Variants in FHIT observed in about 807,000 individuals in gnomAD.
The protein encoded by FHIT is fragile histidine triad diadenosine triphosphatase.
Under a neutral mutation model 17.9 loss-of-function variants are expected in FHIT, and 19 were observed. The ratio of observed to expected loss-of-function variants is 1.06; its 90% confidence interval spans 0.74 to 1.56. The LOEUF (loss-of-function observed/expected upper bound fraction) is 1.56. Among genes scored for constraint, FHIT ranks in the 40% most tolerant of loss-of-function variants. The probability of loss-of-function intolerance (pLI) is 0.00; values close to 1 mark genes in which losing one functional copy is unlikely to be tolerated. For missense variants in FHIT, 248 were observed against 189.2 expected (o/e 1.31, Z -1.82); for synonymous variants, 81 against 69.7 (o/e 1.16, Z -0.81).
rs3772442 is a variant in FHIT, at chr3:59,750,381, C to A, written c.*6-802G>T. 44 of 224,542 alleles carry A rather than the reference C, an allele frequency of 2.0e-4. No homozygotes were observed. In the East Asian group the frequency reaches 2.8e-3, roughly 14 times the overall value. The allele number at this position is 224,542 out of a possible 1,614,324, so 13.9% of individuals were successfully genotyped here. A position where few individuals can be genotyped will look rare whatever the true frequency, so the allele number is the denominator to read the frequency against. Reference sequence around the variant, plus strand: ...CAGTCAAGTCTGAGGTATTGTCACCCCATTTAAATTTGAACAGGGCACTCT... The same window carrying A: ...CAGTCAAGTCTGAGGTATTGTCACCACATTTAAATTTGAACAGGGCACTCT... On this transcript the variant is annotated intron_variant, in intron 9 of 9. Transcript: ENST00000492590.
intron 8 of FHIT, among the ~76,000 whole-genome samples, chr3:59,883,711 G>T (rs562712686): frequency 1.3e-5 from 2 of 152,334 alleles, no homozygotes; most frequent in South Asian, 4.1e-4. Context: ...CCAAGTCTGT[G>T]CAGTGACATC....
intron 5 of FHIT, among the ~76,000 whole-genome samples, chr3:60,128,078 G>C (rs781335092): frequency 2.0e-5 from 3 of 152,206 alleles, no homozygotes; most frequent in African/African-American, 2.4e-5. Context: ...TTGAAGATCA[G>C]TGTTGAAACA....
chr3:60,565,768 C>T lies in FHIT; in HGVS notation c.-17-28789G>A, dbSNP rs570360460. On this transcript the variant is annotated intron_variant, in intron 4 of 9. Coordinates refer to ENST00000492590, the MANE Select transcript of FHIT (RefSeq NM_002012.4). ...TTTGTGTCTCTATTTCCTTCAGTTCCGCTCTGATCTTAGTTATTTCTTGCC... is the reference window on the plus strand; with the variant it reads ...TTTGTGTCTCTATTTCCTTCAGTTCTGCTCTGATCTTAGTTATTTCTTGCC... Among the ~76,000 whole-genome samples the T allele has an allele frequency of 2.2e-4, 33 of 152,122 alleles. No individual in the cohort carries two copies. In the South Asian group the frequency reaches 2.9e-3, roughly 13 times the overall value.
intron 3 of FHIT, among the ~76,000 whole-genome samples, chr3:60,853,795 A>C (rs1264129819): frequency 2.0e-5 from 3 of 152,138 alleles, no homozygotes; most frequent in African/African-American, 7.2e-5. Context: ...TTGCAGTGTA[A>C]TCACCAACAA....
Position 60,562,687 on chromosome 3 carries a change from C to T in FHIT, c.-17-25708G>A, listed in dbSNP as rs372568417. On this transcript the variant is annotated intron_variant, in intron 4 of 9. Coordinates refer to ENST00000492590, the MANE Select transcript of FHIT (RefSeq NM_002012.4). The stretch of plus-strand genomic sequence containing the variant: ...TTAGGAATGCAAATTCTCAGCTCCA[C>T]TCCAGATGTAATTGATCAAAATCTG... Among the ~76,000 whole-genome samples, 27 of 152,290 alleles carry T rather than the reference C, an allele frequency of 1.8e-4. No homozygotes were observed. In the East Asian group the frequency reaches 3.3e-3, roughly 18 times the overall value.
chr3:60,359,290 T>A (rs1481783872), intron 5 of FHIT, among the ~76,000 whole-genome samples: 1 of 146,980 alleles, frequency 6.8e-6, no homozygotes, highest in East Asian at 2.0e-4. Context: ...TTTTTTTTTT[T>A]TTTTTTTTTG....
intron 4 of FHIT, among the ~76,000 whole-genome samples, chr3:60,639,257 G>T (rs1553684752): frequency 6.6e-6 from 1 of 152,030 alleles, no homozygotes; most frequent in African/African-American, 2.4e-5. Flanking sequence ...AGAAGCAGCA[G>T]CTAGGACTTG....
At chr3:60,458,127 T>C (rs1236256811) in intron 5 of FHIT, among the ~76,000 whole-genome samples, 3 of 152,132 alleles carry the variant, frequency 2.0e-5, no homozygotes, top group Non-Finnish European at 4.4e-5. Flanking sequence ...TAAAGACACA[T>C]GCACACGTAT....
chr3:61,232,329 G>A, intron 1 of FHIT, among the ~76,000 whole-genome samples: 1 of 152,350 alleles, frequency 6.6e-6, no homozygotes, highest in East Asian at 1.9e-4. Flanking sequence ...GGAGGTTGCA[G>A]TGAGCTGAGA....
intron 7 of FHIT, among the ~76,000 whole-genome samples, chr3:59,923,778 G>T (rs1000889809): frequency 6.6e-6 from 1 of 152,136 alleles, no homozygotes; most frequent in Non-Finnish European, 1.5e-5. Context: ...TCAAGAGAAC[G>T]TAAGATTTAA....
Position 60,564,579 on chromosome 3 carries a change from T to C in FHIT, c.-17-27600A>G, listed in dbSNP as rs554149845. ...AATGCATGGGAGGTCAACATGAACA[T>C]AGTTTAGAAGAAGTTGATTCCAGCC... On this transcript the variant is annotated intron_variant, in intron 4 of 9. Transcript: ENST00000492590. Among the ~76,000 whole-genome samples, 4 of 152,162 alleles carry C rather than the reference T, an allele frequency of 2.6e-5. No homozygotes were observed. The South Asian group carries it at 6.2e-4, about 24-fold the overall frequency.
intron 8 of FHIT, among the ~76,000 whole-genome samples, chr3:59,823,677 C>T (rs1208369784): frequency 1.3e-5 from 2 of 152,074 alleles, no homozygotes; most frequent in Non-Finnish European, 2.9e-5. Flanking sequence ...TCAGCAAAAT[C>T]GGCATATAAG....
chr3:60,225,014 C>T (rs1485447819), intron 5 of FHIT, among the ~76,000 whole-genome samples: 1 of 152,138 alleles, frequency 6.6e-6, no homozygotes, highest in Non-Finnish European at 1.5e-5. Flanking sequence ...AGCCACCACG[C>T]CCAGCCAGGA....
intron 1 of FHIT, among the ~76,000 whole-genome samples, chr3:61,223,347 A>T (rs1190219130): frequency 6.6e-6 from 1 of 152,186 alleles, no homozygotes; most frequent in Non-Finnish European, 1.5e-5. Context: ...TGTCAGAATA[A>T]CAGAAAGACC....
intron 5 of FHIT, among the ~76,000 whole-genome samples, chr3:60,458,564 T>C (rs1352392267): frequency 6.7e-6 from 1 of 148,714 alleles, no homozygotes; most frequent in Non-Finnish European, 1.5e-5. Flanking sequence ...GTTGTGCACA[T>C]GTACCCTAAA....
chr3:60,694,748 C>G lies in FHIT; in HGVS notation c.-18+127171G>C, dbSNP rs150484561. On this transcript the variant is annotated intron_variant, in intron 4 of 9. Transcript: ENST00000492590. ...ACTATGCAGCCATAAAAAAGGATGA[C>G]TTCATGTCCTTTGTAGGGACATGGA... Among the ~76,000 whole-genome samples the G allele has an allele frequency of 4.2e-4, 64 of 152,206 alleles. 1 individual carries two copies. The highest frequency in any genetic ancestry group is 1.4e-3 in the African/African-American group (58 of 41,530).
intron 5 of FHIT, among the ~76,000 whole-genome samples, chr3:60,522,612 C>T (rs1342954500): frequency 6.6e-6 from 1 of 152,076 alleles, no homozygotes; most frequent in East Asian, 1.9e-4. Context: ...ATGTTGAGTA[C>T]CAGACTCAGA....
intron 2 of FHIT, among the ~76,000 whole-genome samples, chr3:61,081,075 G>C (rs1019387755): frequency 6.6e-6 from 1 of 152,150 alleles, no homozygotes; most frequent in Non-Finnish European, 1.5e-5. Context: ...AAGATTAAAA[G>C]AATATGGGCC....
chr3:60,120,179 A>G (rs549484892), intron 5 of FHIT, among the ~76,000 whole-genome samples: 1 of 152,224 alleles, frequency 6.6e-6, no homozygotes, highest in Non-Finnish European at 1.5e-5. Flanking sequence ...CACAATGAGC[A>G]TGTAGTCTTG....
Sources: allele counts gnomAD v4.1 joint callset (sites outside exome capture counted in the v4.1 genomes callset), GRCh38; gene constraint gnomAD v4.1.1; transcripts MANE v1.5; gene names NCBI Gene and HGNC (gene_info 2026-07-23, HGNC 2026-07-21).